The following CDKAL1 variants were observed in gnomAD, a reference collection of about 807,000 sequenced individuals.
CDKAL1 encodes threonylcarbamoyladenosine tRNA methylthiotransferase.
In CDKAL1, 32 loss-of-function variants were observed where a neutral mutation model predicts 68.2. The ratio of observed to expected loss-of-function variants is 0.47; its 90% CI spans 0.35 to 0.63. The LOEUF (loss-of-function observed/expected upper bound fraction) is 0.63, where lower values mean the gene tolerates loss of function less well. Ranked by LOEUF, CDKAL1 falls within the 30% of genes least tolerant of loss-of-function variation. The pLI is 0.00. For synonymous variants in CDKAL1, 234 were observed against 244.3 expected (o/e 0.96, Z 0.39); for missense variants, 606 against 696.7 (o/e 0.87, Z 1.47).
intron 5 of CDKAL1, among the ~76,000 whole-genome samples, chr6:20,664,332 T>A (rs1240416446): frequency 6.6e-6 from 1 of 152,154 alleles, no homozygotes. Context: ...AAAATGGATG[T>A]CAAGGATCTC....
chr6:21,192,302 T>G (rs1006518936), intron 13 of CDKAL1, among the ~76,000 whole-genome samples: 20 of 151,630 alleles, frequency 1.3e-4, no homozygotes, highest in African/African-American at 4.8e-4. Flanking sequence ...ATTACAGGCG[T>G]GAGCCACCGC....
At chr6:21,169,580 G>A (rs1241667250) in intron 13 of CDKAL1, among the ~76,000 whole-genome samples, 1 of 152,184 alleles carries the variant, frequency 6.6e-6, no homozygotes. Flanking sequence ...AGGTTGCAAT[G>A]AGCTGAGATC....
chr6:21,069,337 CTG>C (rs1018145319), intron 12 of CDKAL1, among the ~76,000 whole-genome samples: 36 of 152,100 alleles, frequency 2.4e-4, no homozygotes, highest in Admixed American at 2.2e-3. Flanking sequence ...TTCCCTGTGT[CTG>C]TGTGTGTGTT....
At chr6:20,943,328 C>CAAAAAAA (rs34759060) in intron 9 of CDKAL1, among the ~76,000 whole-genome samples, 5 of 50,992 alleles carry the variant, frequency 9.8e-5, no homozygotes, top group African/African-American at 1.8e-4. Flanking sequence ...CTTGTTTTTT[C>CAAAAAAA]AAAAAAAAAA....
chr6:20,709,480 C>T (rs1368630675), intron 5 of CDKAL1, among the ~76,000 whole-genome samples: 1 of 152,104 alleles, frequency 6.6e-6, no homozygotes, highest in African/African-American at 2.4e-5. Flanking sequence ...TGAACACTTC[C>T]ACTTCCAAGC....
rs1774776772 is a variant in CDKAL1 at position 21,122,540 on chromosome 6, T to C, written c.1299+14077T>C. ...GCTTTGGTTAGTTTGGTTACAGATA[T>C]CTGAATATTTCCATATTGCATAGGC... On this transcript the variant is annotated intron_variant, in intron 13 of 15. Transcript: ENST00000274695. Among the ~76,000 whole-genome samples the C allele has an allele frequency of 2.0e-5, 3 of 152,194 alleles. No individual in the cohort carries two copies. The South Asian group carries it at 6.2e-4, about 31-fold the overall frequency.
chr6:20,579,541 C>T (rs1765056259), intron 4 of CDKAL1, among the ~76,000 whole-genome samples: 1 of 152,130 alleles, frequency 6.6e-6, no homozygotes, highest in South Asian at 2.1e-4. Flanking sequence ...TATTAATTCT[C>T]AAAACTCTGT....
Position 20,979,925 on chromosome 6 carries a change from C to T in CDKAL1, c.910-20302C>T, listed in dbSNP as rs551931611. On this transcript the variant is annotated intron_variant, in intron 10 of 15. Coordinates refer to ENST00000274695, the MANE Select transcript of CDKAL1 (RefSeq NM_017774.3). The stretch of plus-strand genomic sequence containing the variant: ...TAGCAGGGATTACAGGCATGCACCA[C>T]CACACCTGGCTAATTTTTGTATTTT... 4.0e-5 allele frequency among the ~76,000 whole-genome samples: 6 copies of T among 151,892 alleles called. No homozygotes were observed. In the South Asian group the frequency reaches 1.3e-3, roughly 32 times the overall value.
chr6:21,115,062 C>A (rs1774337938), intron 13 of CDKAL1, among the ~76,000 whole-genome samples: 1 of 152,174 alleles, frequency 6.6e-6, no homozygotes, highest in African/African-American at 2.4e-5. Context: ...TACCACCATT[C>A]CTTCTTTCCT....
intron 4 of CDKAL1, among the ~76,000 whole-genome samples, chr6:20,603,768 ATTTTTTTTTTTTT>A (rs745786047): frequency 2.3e-5 from 2 of 85,192 alleles, no homozygotes; most frequent in Admixed American, 3.5e-4. Context: ...CAGTTGCTAA[ATTTTTTTTTTTTT>A]TTTTTTTTTT....
chr6:21,041,321 T>C (rs1361780958), intron 11 of CDKAL1, among the ~76,000 whole-genome samples: 3 of 152,200 alleles, frequency 2.0e-5, no homozygotes, highest in Non-Finnish European at 4.4e-5. Flanking sequence ...TTTGAAATAA[T>C]ATAATTGCTT....
intron 12 of CDKAL1, among the ~76,000 whole-genome samples, chr6:21,079,337 C>T (rs1381306641): frequency 6.6e-6 from 1 of 152,102 alleles, no homozygotes; most frequent in Non-Finnish European, 1.5e-5. Context: ...GATCTTATGT[C>T]TGTTTTGGAA....
chr6:21,230,814 A>T, intron 15 of CDKAL1, 34 bp from the exon 16 acceptor site: 1 of 1,531,286 alleles, frequency 6.5e-7, no homozygotes. Flanking sequence ...TCTGCATCTA[A>T]AAATAATTTT....
At chr6:21,200,038 A>T (rs1177174809) in intron 14 of CDKAL1, among the ~76,000 whole-genome samples, 1 of 152,248 alleles carries the variant, frequency 6.6e-6, no homozygotes, top group Non-Finnish European at 1.5e-5. Flanking sequence ...TCTAAATAAG[A>T]TGAGTTCCAG....
intron 15 of CDKAL1, among the ~76,000 whole-genome samples, chr6:21,214,874 G>GATGAATGAATGAATGA (rs58042681): frequency 8.0e-5 from 12 of 149,788 alleles, no homozygotes; most frequent in African/African-American, 1.2e-4. Flanking sequence ...ACGTCTGTTG[G>GATGAATGAATGAATGA]ATGAATGAAT....
intron 9 of CDKAL1, among the ~76,000 whole-genome samples, chr6:20,940,861 C>A (rs549441406): frequency 6.6e-6 from 1 of 152,116 alleles, no homozygotes; most frequent in African/African-American, 2.4e-5. Flanking sequence ...GAGGCCAAGG[C>A]GGGCAGATCA....
At chr6:20,823,067 T>TTC (rs781051311) in intron 8 of CDKAL1, among the ~76,000 whole-genome samples, 12 of 152,048 alleles carry the variant, frequency 7.9e-5, no homozygotes, top group African/African-American at 2.9e-4. Context: ...CATTCTCGTT[T>TTC]TCTCTCTCTC....
chr6:20,988,678 T>C (rs1464453133), intron 10 of CDKAL1, among the ~76,000 whole-genome samples: 3 of 152,098 alleles, frequency 2.0e-5, no homozygotes, highest in African/African-American at 7.2e-5. Flanking sequence ...TGAGACTGAG[T>C]ATCGCTCTGT....
At chr6:20,794,325 C>T (rs1283687287) in intron 8 of CDKAL1, among the ~76,000 whole-genome samples, 1 of 151,950 alleles carries the variant, frequency 6.6e-6, no homozygotes, top group Non-Finnish European at 1.5e-5. Flanking sequence ...ACTGCCTTGC[C>T]AAGTGTTTGG....
Sources: allele counts gnomAD v4.1 joint callset (sites outside exome capture counted in the v4.1 genomes callset), GRCh38; gene constraint gnomAD v4.1.1; transcripts MANE v1.5; gene names NCBI Gene and HGNC (gene_info 2026-07-23, HGNC 2026-07-21).